Variants in FAM78B observed in about 807,000 individuals in gnomAD.
FAM78B encodes family with sequence similarity 78 member B, also known as protein FAM78B.
FAM78B carries 10 observed loss-of-function variants against 20.0 expected under a neutral mutation model. The ratio of observed to expected loss-of-function variants is 0.50; its 90% CI spans 0.31 to 0.85. The LOEUF is 0.85. Ranked by LOEUF, FAM78B falls within the 40% of genes least tolerant of loss-of-function variation. FAM78B has a pLI of 0.05. For synonymous variants in FAM78B, 135 were observed against 132.8 expected (o/e 1.02, Z -0.12); for missense variants, 283 against 345.0 (o/e 0.82, Z 1.42).
At chr1:166,148,979 A>T (rs1655580053) in intron 1 of FAM78B, among the ~76,000 whole-genome samples, 1 of 152,182 alleles carries the variant, frequency 6.6e-6, no homozygotes, top group Non-Finnish European at 1.5e-5. Flanking sequence ...TGAACTCATC[A>T]TTTTTTATGG....
At chr1:166,133,043 C>T (rs1426519759) in intron 1 of FAM78B, among the ~76,000 whole-genome samples, 3 of 152,122 alleles carry the variant, frequency 2.0e-5, no homozygotes, top group Admixed American at 1.3e-4. Flanking sequence ...CTTTCAACAA[C>T]GAGGAAAGGT....
chr1:166,086,286 C>T (rs1425315003), intron 1 of FAM78B, among the ~76,000 whole-genome samples: 1 of 152,154 alleles, frequency 6.6e-6, no homozygotes, highest in African/African-American at 2.4e-5. Context: ...CCCACCATCC[C>T]CACAGCACAG....
chr1:166,124,891 C>A (rs1347035959), intron 1 of FAM78B, among the ~76,000 whole-genome samples: 1 of 152,186 alleles, frequency 6.6e-6, no homozygotes, highest in Admixed American at 6.5e-5. Flanking sequence ...TCCTGGCAGA[C>A]CTGGTGTGGG....
downstream of FAM78B, among the ~76,000 whole-genome samples, chr1:166,056,753 AC>A (rs1425570202): frequency 6.6e-6 from 1 of 152,210 alleles, no homozygotes; most frequent in Admixed American, 6.5e-5. Context: ...GGAAGGGCAA[AC>A]TTTATCCTCT....
At chr1:166,077,492 A>G (rs973400341) in intron 1 of FAM78B, among the ~76,000 whole-genome samples, 2 of 151,206 alleles carry the variant, frequency 1.3e-5, no homozygotes, top group African/African-American at 4.9e-5. Flanking sequence ...TCTCAGAACT[A>G]TTACAGAAAT....
chr1:166,112,156 A>G (rs1453936324), intron 1 of FAM78B, among the ~76,000 whole-genome samples: 2 of 152,190 alleles, frequency 1.3e-5, no homozygotes, highest in African/African-American at 4.8e-5. Context: ...TGGCTTGGTC[A>G]TTCCCATCTT....
In FAM78B at chr1:166,100,443, C is replaced by A. The variant is rs545268810; in HGVS notation, c.264-29680G>T. ...GGGGTCAGGGATTTCCCTTTCCTAG[C>A]CAAGGAAAGGGGTGACAGATGGCAC... On this transcript the variant is annotated intron_variant, in intron 1 of 1. Transcript: ENST00000354422. Among the ~76,000 whole-genome samples, 13 of 152,266 alleles carry A rather than the reference C, an allele frequency of 8.5e-5. No homozygotes were observed. The East Asian group carries it at 2.5e-3, about 29-fold the overall frequency.
At chr1:166,083,525 A>G (rs1652664626) in intron 1 of FAM78B, among the ~76,000 whole-genome samples, 1 of 152,116 alleles carries the variant, frequency 6.6e-6, no homozygotes, top group Non-Finnish European at 1.5e-5. Context: ...TTTTTTTTGA[A>G]ATGCAGTTTT....
intron 1 of FAM78B, among the ~76,000 whole-genome samples, chr1:166,152,332 C>T (rs956750658): frequency 2.6e-5 from 4 of 152,204 alleles, no homozygotes; most frequent in Non-Finnish European, 5.9e-5. Flanking sequence ...TCCACGCTGG[C>T]GGGATGCGGC....
chr1:166,097,548 G>C (rs1158088688), intron 1 of FAM78B, among the ~76,000 whole-genome samples: 1 of 145,638 alleles, frequency 6.9e-6, no homozygotes, highest in Non-Finnish European at 1.5e-5. Context: ...CCAGCCCTTT[G>C]GGGACTGAGA....
At chr1:166,066,072 C>G (rs191171814), downstream of FAM78B, among the ~76,000 whole-genome samples, 1 of 152,226 alleles carries the variant, frequency 6.6e-6, no homozygotes, top group Non-Finnish European at 1.5e-5. Flanking sequence ...ACTGCTCACA[C>G]CCCAAAGGCT....
intron 1 of FAM78B, among the ~76,000 whole-genome samples, chr1:166,095,659 T>A (rs1653248117): frequency 6.6e-6 from 1 of 152,104 alleles, no homozygotes. Flanking sequence ...TCCCCTCTCC[T>A]CATCCTGCCA....
chr1:166,111,764 T>C (rs1654066957), intron 1 of FAM78B, among the ~76,000 whole-genome samples: 1 of 152,212 alleles, frequency 6.6e-6, no homozygotes. Flanking sequence ...TCTTGGCACA[T>C]AATAAGCACT....
At chr1:166,163,613 G>C (rs1203495731) in intron 1 of FAM78B, among the ~76,000 whole-genome samples, 1 of 152,200 alleles carries the variant, frequency 6.6e-6, no homozygotes, top group African/African-American at 2.4e-5. Context: ...TCCAGATATT[G>C]GCTAAAGTAG....
At chr1:166,060,375 A>T (rs191528304) in exon 3 of FAM78B, 29 of 356,192 alleles carry the variant, frequency 8.1e-5, no homozygotes, top group African/African-American at 5.1e-4. Context: ...TTCTACACAC[A>T]AAAAGATACA....
chr1:166,135,432 G>C (rs551648758), intron 1 of FAM78B, among the ~76,000 whole-genome samples: 1 of 152,340 alleles, frequency 6.6e-6, no homozygotes, highest in Admixed American at 6.5e-5. Flanking sequence ...GCATCATCCT[G>C]ATGATGATTC....
intron 1 of FAM78B, among the ~76,000 whole-genome samples, chr1:166,083,264 A>G (rs1419074910): frequency 6.6e-6 from 1 of 152,122 alleles, no homozygotes; most frequent in Admixed American, 6.5e-5. Flanking sequence ...AAAAAAATTA[A>G]TTTGTCTTTA....
chr1:166,141,465 T>C (rs1354863485), intron 1 of FAM78B, among the ~76,000 whole-genome samples: 1 of 152,252 alleles, frequency 6.6e-6, no homozygotes, highest in African/African-American at 2.4e-5. Flanking sequence ...ATTCTTCACA[T>C]AGTTTTGAAA....
intron 1 of FAM78B, 135 bp downstream of exon 1, chr1:166,165,851 T>C: frequency 5.2e-6 from 5 of 955,672 alleles, no homozygotes; most frequent in Non-Finnish European, 7.7e-6. Context: ...AGGAGGGAGG[T>C]GGGAGAGGAG....
Sources: gnomAD v4.1 joint callset for allele counts (sites outside exome capture counted in the v4.1 genomes callset) on GRCh38, gnomAD v4.1.1 for gene constraint, MANE v1.5 for transcripts, NCBI Gene and HGNC (gene_info 2026-07-23, HGNC 2026-07-21) for gene names.